RYR1: variants seen among roughly 807,000 people sequenced by gnomAD.
The protein encoded by RYR1 is central core disease of muscle.
RYR1 carries 342 observed loss-of-function variants against 583.5 expected under a neutral mutation model. The ratio of observed to expected loss-of-function variants is 0.59; its 90% CI spans 0.54 to 0.64. The LOEUF (loss-of-function observed/expected upper bound fraction) is 0.64. Ranked by LOEUF, RYR1 falls within the 30% of genes least tolerant of loss-of-function variation. RYR1 has a pLI of 0.00. For missense variants in RYR1, 6,032 were observed against 6,917.2 expected (o/e 0.87, Z 4.54); for synonymous variants, 2,791 against 2,822.5 (o/e 0.99, Z 0.35).
chr19:38,536,598 C>G (rs895590751), intron 82 of RYR1, 152 bp from the exon 83 acceptor site: 1 of 871,894 alleles, frequency 1.1e-6, no homozygotes, highest in Admixed American at 2.0e-5. Flanking sequence ...CTCCTTATCA[C>G]TCTGCCTTTC....
intron 28 of RYR1, 67 bp downstream of exon 28, chr19:38,473,838 G>A: frequency 4.8e-6 from 6 of 1,238,658 alleles, no homozygotes; most frequent in South Asian, 1.5e-5. Flanking sequence ...GGCAACCACA[G>A]TAACCTGAGA....
intron 39 of RYR1, 125 bp downstream of exon 39, chr19:38,494,750 C>A: frequency 8.5e-7 from 1 of 1,181,508 alleles, no homozygotes; most frequent in Non-Finnish European, 1.2e-6. Flanking sequence ...CTCTCGATGG[C>A]TAGCTCACCT....
chr19:38,536,872 G>A (rs1971994576), intron 83 of RYR1, 105 bp downstream of exon 83: 3 of 1,268,790 alleles, frequency 2.4e-6, no homozygotes, highest in Non-Finnish European at 3.4e-6. Flanking sequence ...TGGAGGGGAG[G>A]GAGGGACCCT....
At chr19:38,435,731 C>T (rs1233137581) in intron 1 of RYR1, among the ~76,000 whole-genome samples, 1 of 152,042 alleles carries the variant, frequency 6.6e-6, no homozygotes, top group Non-Finnish European at 1.5e-5. Context: ...GGGCGAGACT[C>T]CATCTCAGAA....
In RYR1 at chr19:38,527,690, G is replaced by C; in HGVS notation, c.10730G>C (p.Arg3577Pro). ...CTGCGCTGGCAGATGGCTCTGTACC[G>C]GGGCGTCCCGGGTCGCGAGGAGGAC... Reference protein sequence around the residue: ...PSLRWQMALYRGVPGREEDAD... With the variant: ...PSLRWQMALYPGVPGREEDAD... The change falls in exon 73 of 106, where the codon CGG becomes CCG. Residue 3577 changes from arginine to proline, a missense_variant. Arg to Pro is a moderately radical substitution (Grantham distance 103, BLOSUM62 -2). This residue lies in a region of RYR1 where 1,493 missense variants were observed against 1,715.5 expected (regional missense o/e 0.87). Transcript: ENST00000359596. The C allele has an allele frequency of 6.2e-7, 1 of 1,614,076 alleles. No homozygotes were observed. Among genetic ancestry groups the C allele is most frequent in the Non-Finnish European group, 8.5e-7 (1 of 1,180,002 alleles).
In RYR1 at chr19:38,565,849, A is replaced by G. The variant is rs1352852832; in HGVS notation, c.13437+78A>G. The G allele has an allele frequency of 9.7e-6, 13 of 1,335,686 alleles. No individual in the cohort carries two copies. In the East Asian group the frequency reaches 3.4e-4, roughly 35 times the overall value. The allele number at this position is 1,335,686 out of a possible 1,614,324, so 82.7% of individuals were successfully genotyped here. On this transcript the variant is annotated intron_variant, in intron 91 of 105. Transcript: ENST00000359596. The surrounding 1 kb of genome is among the most constrained non-coding windows in gnomAD (Gnocchi z 4.7). ...AGGAAGAGAGCCCGGCTGGGTGGAG[A>G]CACACACAGAGGAGAGAACTGGCTA...
rs1426300780 is a variant in RYR1, at chr19:38,505,926, A to C, written c.8521A>C (p.Lys2841Gln). Residue 2841 changes from lysine to glutamine, a missense_variant, in exon 54 of 106, where the codon AAG becomes CAG. Physicochemically the swap from Lys to Gln is moderately conservative, Grantham distance 53. Coordinates refer to ENST00000359596, the MANE Select transcript of RYR1 (RefSeq NM_000540.3). Reference protein sequence around the residue: ...EEKTEKKKTRKISQSAQTYDP... With the variant: ...EEKTEKKKTRQISQSAQTYDP... ...GAAGACGGAAAAGAAAAAAACGCGG[A>C]AGATATCACAAAGTGCCCAGGTGAA... 3 of 1,613,458 alleles carry C rather than the reference A, an allele frequency of 1.9e-6. No homozygotes were observed. The highest frequency in any genetic ancestry group is 2.5e-6 in the Non-Finnish European group (3 of 1,179,950).
chr19:38,552,193 C>T (rs955906183), intron 89 of RYR1, among the ~76,000 whole-genome samples: 2 of 151,690 alleles, frequency 1.3e-5, no homozygotes, highest in Non-Finnish European at 2.9e-5. Flanking sequence ...CTGAAGCAAT[C>T]AGCCCACCTC....
chr19:38,522,620 AAGAGAG>A lies in RYR1; in HGVS notation c.10260-394_10260-389del, dbSNP rs34878100. Among the ~76,000 whole-genome samples, 652 of 148,950 alleles carry A rather than the reference AAGAGAG, an allele frequency of 4.4e-3. 5 individuals carry two copies. The highest frequency in any genetic ancestry group is 0.015 in the African/African-American group (613 of 40,716). ...TGAGACCCTGTCTCAGAAAGAAAGA[AAGAGAG>A]AGAGAGAGAGAGAATGGATCGTTAA... On this transcript the variant is annotated intron_variant, in intron 67 of 105. Coordinates refer to ENST00000359596, the MANE Select transcript of RYR1 (RefSeq NM_000540.3).
chr19:38,442,309 G>A, intron 2 of RYR1, 40 bp from the exon 3 acceptor site: 1 of 1,336,564 alleles, frequency 7.5e-7, no homozygotes, highest in Non-Finnish European at 1.1e-6. Flanking sequence ...GGGGTGGGGG[G>A]GTCTTCTGAC....
At chr19:38,462,845 C>T (rs889233882) in intron 20 of RYR1, among the ~76,000 whole-genome samples, 8 of 146,496 alleles carry the variant, frequency 5.5e-5, no homozygotes, top group East Asian at 2.0e-4. Context: ...TCCCAGTCCA[C>T]GGGGGAGACA....
At position 38,527,789 on chromosome 19, in the gene RYR1, G is replaced by C; in HGVS notation, c.10824+5G>C. On this transcript the variant is annotated splice_donor_5th_base_variant and intron_variant, in intron 73 of 105. Coordinates refer to ENST00000359596, the MANE Select transcript of RYR1 (RefSeq NM_000540.3). ...GTGCTCTACTACCTGGACCAGGTGG[G>C]TGGGGCCGGAGGGGTCTTTCTACTG... The C allele has an allele frequency of 6.2e-7, 1 of 1,614,006 alleles. No individual in the cohort carries two copies. The highest frequency in any genetic ancestry group is 8.5e-7 in the Non-Finnish European group (1 of 1,179,976).
intron 20 of RYR1, among the ~76,000 whole-genome samples, chr19:38,461,732 A>AAG (rs1190733768): frequency 2.1e-5 from 3 of 143,074 alleles, no homozygotes; most frequent in Non-Finnish European, 3.1e-5. Context: ...AAAAAAAAAA[A>AAG]AAAAAAAAGA....
chr19:38,569,461 G>A (rs566646163), intron 93 of RYR1, among the ~76,000 whole-genome samples: 34 of 152,004 alleles, frequency 2.2e-4, no homozygotes, highest in African/African-American at 6.5e-4. Context: ...AGGCTGAGGC[G>A]GGAGGATCAC....
In RYR1 at chr19:38,485,803, C is replaced by T; in HGVS notation, c.5148C>T (p.Ser1716=). Residue 1716 remains serine (S), a synonymous_variant, in exon 34 of 106, where the codon AGC becomes AGT. Coordinates refer to ENST00000359596, the MANE Select transcript of RYR1 (RefSeq NM_000540.3). Reference sequence around the variant, plus strand: ...CAGGCTACTATGACCTCCTCATCAGCATCCACCTCGAAAGTGCCTGCCGCA... The same window carrying T: ...CAGGCTACTATGACCTCCTCATCAGTATCCACCTCGAAAGTGCCTGCCGCA... The part of the protein sequence containing the change: ...LRAGYYDLLI[S]IHLESACRSR... 6.2e-7 allele frequency: 1 copy of T among 1,613,382 alleles called. No individual in the cohort carries two copies. Among genetic ancestry groups the T allele is most frequent in the Non-Finnish European group, 8.5e-7 (1 of 1,179,988 alleles).
chr19:38,534,098 A>T (rs527509549), intron 78 of RYR1, among the ~76,000 whole-genome samples: 1 of 139,244 alleles, frequency 7.2e-6, no homozygotes, highest in Non-Finnish European at 1.5e-5. Flanking sequence ...TGCAACCTCC[A>T]CCTCCCGGGT....
chr19:38,565,373 G>A lies in RYR1; in HGVS notation c.13039G>A (p.Gly4347Ser), dbSNP rs1568583100. 1.5e-6 allele frequency: 2 copies of A among 1,332,718 alleles called. No homozygotes were observed. Among genetic ancestry groups the A allele is most frequent in the African/African-American group, 1.6e-5 (1 of 64,400 alleles). 82.6% of individuals were successfully genotyped at this position (1,332,718 alleles called of 1,614,324 possible). Residue 4347 changes from glycine to serine, a missense_variant, in exon 91 of 106, where the codon GGC (glycine) becomes AGC (serine). Physicochemically the swap from Gly to Ser is moderately conservative, Grantham distance 56 (BLOSUM62 0). Transcript: ENST00000359596. The surrounding 1 kb of genome is among the most constrained non-coding windows in gnomAD (Gnocchi z 4.7). ...AGCAGTGACGCGCGCTGGGGCCGCT[G>A]GCGCGGGGGCGGCGGCGGGCGCGCT... ...WAAVTRAGAAGAGAAAGALGL... is the reference protein window; with the variant it reads ...WAAVTRAGAASAGAAAGALGL...
At chr19:38,576,853 G>A (rs1456398517) in intron 97 of RYR1, among the ~76,000 whole-genome samples, 2 of 152,040 alleles carry the variant, frequency 1.3e-5, no homozygotes, top group Non-Finnish European at 2.9e-5. Flanking sequence ...TATGTCTTAA[G>A]CACACACACT....
rs1210802072 is a variant in RYR1 at position 38,483,975 on chromosome 19, AC to A, written c.4934+462del. On this transcript the variant is annotated intron_variant, in intron 33 of 105. Coordinates refer to ENST00000359596, the MANE Select transcript of RYR1 (RefSeq NM_000540.3). This position sits in a 1 kb window ranked among gnomAD's most constrained non-coding sequence, Gnocchi z 6.3. The stretch of plus-strand genomic sequence containing the variant: ...GGATATTTCAAACCCACCCCAGGGG[AC>A]CCAGACACACCTAGGGCCACAGATG... Among the ~76,000 whole-genome samples the A allele has an allele frequency of 6.6e-6, 1 of 151,938 alleles. No homozygotes were observed. The highest frequency in any genetic ancestry group is 2.4e-5 in the African/African-American group (1 of 41,362).
Sources: gnomAD v4.1 joint callset for allele counts (sites outside exome capture counted in the v4.1 genomes callset) on GRCh38, gnomAD v4.1.1 for gene constraint, gnomAD v4.1.1 regional missense constraint, Gnocchi (gnomAD v3.1) non-coding constraint, MANE v1.5 for transcripts, NCBI Gene and HGNC (gene_info 2026-07-23, HGNC 2026-07-21) for gene names.